Variants in SCN1A observed in about 807,000 individuals in gnomAD.
The protein encoded by SCN1A is sodium voltage-gated channel alpha subunit 1, also known as sodium channel protein type 1 subunit alpha.
In SCN1A, 13 loss-of-function variants were observed where a neutral mutation model predicts 193.7. The ratio of observed to expected loss-of-function variants is 0.07; its 90% CI spans 0.04 to 0.11. SCN1A has a LOEUF of 0.11. SCN1A is among the 10% of genes least tolerant of loss of function. The pLI, the probability that SCN1A is intolerant of heterozygous loss-of-function variation, is 1.00. For missense variants in SCN1A, 1,432 were observed against 2,451.1 expected (o/e 0.58, Z 8.78); for synonymous variants, 781 against 843.6 (o/e 0.93, Z 1.29).
intron 1 of SCN1A, among the ~76,000 whole-genome samples, chr2:166,142,239 G>A (rs946447192): frequency 2.0e-5 from 3 of 152,164 alleles, no homozygotes; most frequent in African/African-American, 4.8e-5. Flanking sequence ...TGAAAATATC[G>A]TGTTGAGAAG....
intron 2 of SCN1A, among the ~76,000 whole-genome samples, chr2:166,083,644 G>A (rs1024790790): frequency 6.6e-6 from 1 of 152,180 alleles, no homozygotes; most frequent in South Asian, 2.1e-4. Context: ...AAACACATCA[G>A]TATCATTAGG....
chr2:166,005,603 A>G (rs1691548909), intron 23 of SCN1A, among the ~76,000 whole-genome samples: 2 of 151,402 alleles, frequency 1.3e-5, no homozygotes, highest in African/African-American at 4.8e-5. Context: ...TGGGGAGTTT[A>G]TTATACAAAG....
intron 27 of SCN1A, 32 bp downstream of exon 27, chr2:165,995,981 A>G: frequency 2.1e-6 from 3 of 1,405,360 alleles, no homozygotes; most frequent in Non-Finnish European, 2.0e-6. Context: ...TTGTTTTTGT[A>G]TTTTTCCCCC....
intron 4 of SCN1A, among the ~76,000 whole-genome samples, chr2:166,072,754 G>GAATCTGTC (rs1684559504): frequency 1.3e-5 from 2 of 148,450 alleles, no homozygotes; most frequent in Non-Finnish European, 3.0e-5. Context: ...TCTGTGGAGA[G>GAATCTGTC]AATCTGTCAA....
Position 166,002,201 on chromosome 2 carries a change from A to T in SCN1A, c.4284+271T>A, listed in dbSNP as rs149674261. Among the ~76,000 whole-genome samples the T allele has an allele frequency of 0.013, 1,965 of 151,778 alleles. 16 individuals carry two copies. Among genetic ancestry groups the T allele is most frequent in the Non-Finnish European group, 0.018 (1,253 of 67,764 alleles). The stretch of plus-strand genomic sequence containing the variant: ...TACTGATTTATTAATTTACTTGTTT[A>T]TATAGAAAGAGCAATATAGAAACAA... On this transcript the variant is annotated intron_variant, in intron 24 of 28. Coordinates refer to ENST00000674923, the MANE Select transcript of SCN1A (RefSeq NM_001165963.4).
chr2:166,007,534 A>C (rs1225742784), intron 23 of SCN1A, among the ~76,000 whole-genome samples: 1 of 151,388 alleles, frequency 6.6e-6, no homozygotes, highest in Non-Finnish European at 1.5e-5. Flanking sequence ...TTAATTTTAC[A>C]AGTTGAAAAA....
intron 19 of SCN1A, among the ~76,000 whole-genome samples, chr2:166,031,856 A>G (rs570795104): frequency 6.6e-6 from 1 of 152,290 alleles, no homozygotes; most frequent in East Asian, 1.9e-4. Flanking sequence ...ATTATTAGAT[A>G]GGTAAAGTCA....
chr2:166,031,028 A>G (rs1695486582), intron 19 of SCN1A, among the ~76,000 whole-genome samples: 1 of 152,036 alleles, frequency 6.6e-6, no homozygotes, highest in Admixed American at 6.6e-5. Context: ...CATTATTCCT[A>G]CTATGGCATG....
chr2:166,106,177 A>C (rs1009080661), intron 2 of SCN1A, among the ~76,000 whole-genome samples: 1 of 152,152 alleles, frequency 6.6e-6, no homozygotes, highest in Non-Finnish European at 1.5e-5. Context: ...ATAGAGCGAG[A>C]CTCCGTCTCA....
At chr2:166,103,903 TG>T (rs1688411259) in intron 2 of SCN1A, among the ~76,000 whole-genome samples, 2 of 152,316 alleles carry the variant, frequency 1.3e-5, no homozygotes, top group South Asian at 4.1e-4. Context: ...CTAATTAAAG[TG>T]ATACTGTGTA....
chr2:166,046,813 T>A lies in SCN1A; in HGVS notation c.1334A>T (p.Gln445Leu). 3 of 1,613,892 alleles carry A rather than the reference T, an allele frequency of 1.9e-6. No individual in the cohort carries two copies. The highest frequency in any genetic ancestry group is 2.5e-6 in the Non-Finnish European group (3 of 1,179,840). Residue 445 changes from glutamine (Q) to leucine (L), a missense_variant, in exon 12 of 29, where the codon CAG becomes CTG. Gln to Leu is a moderately radical substitution (Grantham distance 113). Transcript: ENST00000674923. ...EEAEQKEAEFQQMIEQLKKQQ... is the reference protein window; with the variant it reads ...EEAEQKEAEFLQMIEQLKKQQ... ...CTTTTTAAGCTGTTCAATCATCTGC[T>A]GAAATTCGGCCTCTTTCTGTTCTGC... is the stretch of plus-strand genomic sequence containing the variant.
chr2:165,998,268 C>A, intron 25 of SCN1A, 93 bp from the exon 26 acceptor site: 1 of 1,081,458 alleles, frequency 9.2e-7, no homozygotes, highest in Non-Finnish European at 1.3e-6. Context: ...AAAAATTATT[C>A]TTACTAATAT....
intron 27 of SCN1A, among the ~76,000 whole-genome samples, chr2:165,994,650 A>AAAACAAACAAACAAAC (rs140431192): frequency 6.6e-6 from 1 of 150,870 alleles, no homozygotes; most frequent in African/African-American, 2.4e-5. Flanking sequence ...GTTTCTGATA[A>AAAACAAACAAACAAAC]AAACAAACAA....
intron 7 of SCN1A, among the ~76,000 whole-genome samples, chr2:166,053,839 A>G (rs1249934008): frequency 2.0e-5 from 3 of 151,898 alleles, no homozygotes; most frequent in Non-Finnish European, 4.4e-5. Context: ...ACTTTCACTT[A>G]GTCTGGAATG....
In SCN1A at chr2:165,986,867, C is replaced by A. The variant is rs1234858918; in HGVS notation, c.*4378G>T. On this transcript the variant is annotated 3_prime_UTR_variant, in exon 29 of 29. Coordinates refer to ENST00000674923, the MANE Select transcript of SCN1A (RefSeq NM_001165963.4). ...ATTCACCCCTAAATACTTTAGCATG[C>A]ATTTTCAGAGAATAAGAACATTTTC... is the stretch of plus-strand genomic sequence containing the variant. 1 of 151,964 alleles carries A rather than the reference C, an allele frequency of 6.6e-6. No homozygotes were observed. The highest frequency in any genetic ancestry group is 1.5e-5 in the Non-Finnish European group (1 of 67,960). The allele number at this position is 151,964 out of a possible 1,614,324, so 9.4% of individuals were successfully genotyped here. A position where few individuals can be genotyped will look rare whatever the true frequency, so the allele number is the denominator to read the frequency against.
At chr2:166,039,748 T>G (rs1215621636) in intron 16 of SCN1A, 152 bp from the exon 17 acceptor site, 1 of 686,228 alleles carries the variant, frequency 1.5e-6, no homozygotes, top group East Asian at 2.7e-5. Context: ...ATGAAAGACT[T>G]TCATATACAT....
At chr2:165,984,732 C>A (rs1250441880), downstream of SCN1A, 1 of 152,006 alleles carries the variant, frequency 6.6e-6, no homozygotes, top group Non-Finnish European at 1.5e-5. Flanking sequence ...CCTTTCTAAG[C>A]AAGCATTGAA....
intron 3 of SCN1A, among the ~76,000 whole-genome samples, chr2:166,076,544 G>A (rs1049975568): frequency 6.6e-6 from 1 of 151,866 alleles, no homozygotes; most frequent in Non-Finnish European, 1.5e-5. Context: ...AACTGATTTT[G>A]AAGTTTATTT....
chr2:166,052,579 A>C (rs1698687421), intron 8 of SCN1A, among the ~76,000 whole-genome samples: 1 of 148,674 alleles, frequency 6.7e-6, no homozygotes, highest in African/African-American at 2.5e-5. Context: ...GTACATTTAA[A>C]AGGGAGCAAA....
Sources: allele counts gnomAD v4.1 joint callset (sites outside exome capture counted in the v4.1 genomes callset), GRCh38; gene constraint gnomAD v4.1.1; transcripts MANE v1.5; gene names NCBI Gene and HGNC (gene_info 2026-07-23, HGNC 2026-07-21).